MPP3: variants seen among roughly 807,000 people sequenced by gnomAD.
MPP3 encodes MAGUK p55 subfamily member 3.
A neutral mutation model predicts 80.7 loss-of-function variants in MPP3; 48 were observed. The observed-to-expected ratio is 0.59, with a 90% CI of 0.47 to 0.76. MPP3 has a LOEUF of 0.76. MPP3 is among the 30% of genes least tolerant of loss of function. MPP3 has a pLI of 0.00. For missense variants in MPP3, 620 were observed against 763.0 expected (o/e 0.81, Z 2.21); for synonymous variants, 311 against 297.6 (o/e 1.04, Z -0.46).
At chr17:43,813,581 T>C (rs1485441130) in intron 16 of MPP3, among the ~76,000 whole-genome samples, 1 of 152,136 alleles carries the variant, frequency 6.6e-6, no homozygotes, top group Non-Finnish European at 1.5e-5. Flanking sequence ...AATCTGGCTA[T>C]AAGGGAGTGC....
Position 43,831,881 on chromosome 17 carries a change from C to T in MPP3, c.25+1G>A. 1 of 1,609,126 alleles carries T rather than the reference C, an allele frequency of 6.2e-7. No homozygotes were observed. The highest frequency in any genetic ancestry group is 8.5e-7 in the Non-Finnish European group (1 of 1,178,366). ...AGGTCCAGCCGGGGGGAGGTACTTA[C>T]CAGAGTCCTCCGATAGCACTGGCAT... is the stretch of plus-strand genomic sequence containing the variant. On this transcript the variant is annotated splice_donor_variant, in intron 3 of 19. Transcript: ENST00000398389. LOFTEE classifies it high-confidence loss of function.
At chr17:43,831,357 A>T in intron 4 of MPP3, 36 bp from the exon 5 acceptor site, 1 of 1,596,322 alleles carries the variant, frequency 6.3e-7, no homozygotes, top group South Asian at 1.1e-5. Flanking sequence ...CACCCTGGAC[A>T]CCACACATCC....
At chr17:43,823,238 G>A (rs1447682492) in intron 10 of MPP3, among the ~76,000 whole-genome samples, 3 of 152,086 alleles carry the variant, frequency 2.0e-5, no homozygotes, top group Admixed American at 2.0e-4. Context: ...TCAGAACATA[G>A]GCTTAACCCA....
At chr17:43,830,250 T>C in intron 5 of MPP3, 143 bp from the exon 6 acceptor site, 1 of 525,120 alleles carries the variant, frequency 1.9e-6, no homozygotes, top group Non-Finnish European at 3.2e-6. Flanking sequence ...ACGATGATCC[T>C]GGGAACATCA....
Position 43,808,978 on chromosome 17 carries a change from C to A in MPP3, c.1559G>T (p.Cys520Phe). Residue 520 changes from cysteine (C) to phenylalanine (F), a missense_variant, in exon 19 of 20, where the codon TGT (cysteine) becomes TTT (phenylalanine). By Grantham distance (205) the Cys-to-Phe change is radical. Coordinates refer to ENST00000398389, the MANE Select transcript of MPP3 (RefSeq NM_001932.6). Reference sequence around the variant, plus strand: ...TACAAATGGGGCTGCTGTGTCCTCACAAGCTGGGGACATAGGTGGCGTTTT... The same window carrying A: ...TACAAATGGGGCTGCTGTGTCCTCAAAAGCTGGGGACATAGGTGGCGTTTT... ...KRKTPPMSPA[C>F]EDTAAPFDEQ... The A allele has an allele frequency of 6.2e-7, 1 of 1,608,230 alleles. No homozygotes were observed. Among genetic ancestry groups the A allele is most frequent in the South Asian group, 1.1e-5 (1 of 89,530 alleles).
chr17:43,826,773 G>A (rs371377216), intron 8 of MPP3, among the ~76,000 whole-genome samples: 9 of 151,202 alleles, frequency 6.0e-5, no homozygotes, highest in African/African-American at 1.9e-4. Flanking sequence ...CTAAACCAAC[G>A]CATGAGCTTT....
intron 13 of MPP3, 93 bp from the exon 14 acceptor site, chr17:43,816,172 C>A (rs1360792073): frequency 1.8e-6 from 2 of 1,129,604 alleles, no homozygotes; most frequent in Non-Finnish European, 2.5e-6. Context: ...GCAGGAAGAG[C>A]CCCCTGGGAT....
intron 12 of MPP3, among the ~76,000 whole-genome samples, chr17:43,817,751 G>A (rs2045216436): frequency 6.6e-6 from 1 of 152,134 alleles, no homozygotes; most frequent in South Asian, 2.1e-4. Context: ...CGAAAGCTGT[G>A]GATCCTCACA....
chr17:43,828,186 C>T (rs2045806407), intron 7 of MPP3, among the ~76,000 whole-genome samples: 1 of 152,174 alleles, frequency 6.6e-6, no homozygotes. Context: ...CTACCACTTG[C>T]AAAGACATTT....
intron 7 of MPP3, among the ~76,000 whole-genome samples, chr17:43,828,118 C>T (rs1259775602): frequency 1.3e-5 from 2 of 152,106 alleles, no homozygotes; most frequent in Non-Finnish European, 2.9e-5. Flanking sequence ...AAGGGGAAAG[C>T]TTTTTGTGAT....
In MPP3 at chr17:43,825,826, C is replaced by G; in HGVS notation, c.539G>C (p.Gly180Ala). Residue 180 changes from glycine (G) to alanine (A), a missense_variant, in exon 9 of 20, where the codon GGA becomes GCA. Physicochemically the swap from Gly to Ala is moderately conservative, Grantham distance 60. Transcript: ENST00000398389. Reference sequence around the variant, plus strand: ...CCCGTTCACTTCTCGGAGCTCATCTCCAACGTGGACCAGGCCTAGGAGACA... The same window carrying G: ...CCCGTTCACTTCTCGGAGCTCATCTGCAACGTGGACCAGGCCTAGGAGACA... ...AADRSGLVHV[G>A]DELREVNGIA... The G allele has an allele frequency of 6.2e-7, 1 of 1,610,186 alleles. No individual in the cohort carries two copies. Among genetic ancestry groups the G allele is most frequent in the Non-Finnish European group, 8.5e-7 (1 of 1,176,390 alleles).
intron 10 of MPP3, among the ~76,000 whole-genome samples, chr17:43,821,605 C>A (rs538427692): frequency 6.6e-6 from 1 of 152,348 alleles, no homozygotes; most frequent in Non-Finnish European, 1.5e-5. Flanking sequence ...CCTGCCTCGT[C>A]TGCCATAGAC....
chr17:43,824,524 C>T (rs1326606161), intron 9 of MPP3, among the ~76,000 whole-genome samples: 1 of 152,076 alleles, frequency 6.6e-6, no homozygotes, highest in African/African-American at 2.4e-5. Flanking sequence ...TCTAGGAGCT[C>T]CCTTCACCCT....
rs2045962836 is a variant in MPP3 at position 43,831,595 on chromosome 17, A to T, written c.108T>A (p.Asp36Glu). ...AACTGAGGCTTTTTTCACTGAAAAC[A>T]TCCCTCAGGAAGCCCATCTCCTCCT... ...NHKEEMGFLR[D>E]VFSEKSLSYL... Residue 36 changes from aspartate to glutamate, a missense_variant, in exon 4 of 20, where the codon GAT (aspartate) becomes GAA (glutamate). Coordinates refer to ENST00000398389, the MANE Select transcript of MPP3 (RefSeq NM_001932.6). The T allele has an allele frequency of 1.2e-6, 2 of 1,613,828 alleles. No homozygotes were observed. Among genetic ancestry groups the T allele is most frequent in the Admixed American group, 1.7e-5 (1 of 59,996 alleles).
intron 19 of MPP3, among the ~76,000 whole-genome samples, chr17:43,806,979 C>A (rs2044645371): frequency 2.8e-5 from 4 of 144,778 alleles, no homozygotes; most frequent in African/African-American, 7.6e-5. Context: ...TTTCTTGTGT[C>A]TTTTTTTTTT....
intron 9 of MPP3, among the ~76,000 whole-genome samples, chr17:43,824,573 A>G (rs1340508438): frequency 2.0e-5 from 3 of 152,056 alleles, no homozygotes; most frequent in African/African-American, 7.3e-5. Context: ...CAGGGGCCCA[A>G]CAAAGGAAGA....
chr17:43,804,305 T>C (rs2044528124), intron 19 of MPP3, among the ~76,000 whole-genome samples: 2 of 152,212 alleles, frequency 1.3e-5, no homozygotes, highest in African/African-American at 4.8e-5. Context: ...ACAAAGCTAG[T>C]AATCAAAGTA....
intron 18 of MPP3, among the ~76,000 whole-genome samples, chr17:43,809,795 C>T (rs866720535): frequency 1.1e-4 from 17 of 152,096 alleles, no homozygotes; most frequent in African/African-American, 3.4e-4. Context: ...AAGAGAATGG[C>T]GTGAACCCGG....
chr17:43,829,831 C>T (rs1030544320), intron 6 of MPP3, 40 bp from the exon 7 acceptor site: 2 of 1,612,220 alleles, frequency 1.2e-6, no homozygotes, highest in Non-Finnish European at 1.7e-6. Flanking sequence ...TGGCCCGCCG[C>T]TCACAGGGTC....
Sources: gnomAD v4.1 joint callset for allele counts (sites outside exome capture counted in the v4.1 genomes callset) on GRCh38, gnomAD v4.1.1 for gene constraint, MANE v1.5 for transcripts, NCBI Gene and HGNC (gene_info 2026-07-23, HGNC 2026-07-21) for gene names.